The following GOLGA3 variants were observed in gnomAD, a reference collection of about 807,000 sequenced individuals.
The protein encoded by GOLGA3 is golgin A3, also known as golgin subfamily A member 3.
In GOLGA3, 75 loss-of-function variants were observed where a neutral mutation model predicts 169.4. The ratio of observed to expected loss-of-function variants is 0.44; its 90% confidence interval spans 0.37 to 0.54. GOLGA3 has a LOEUF of 0.54. Among genes scored for constraint, GOLGA3 ranks in the 20% least tolerant of loss-of-function variants. The pLI, the probability that GOLGA3 is intolerant of heterozygous loss-of-function variation, is 0.00. For missense variants in GOLGA3, 1,899 were observed against 1,930.0 expected, an observed-to-expected ratio of 0.98 and a Z score of 0.30; for synonymous variants, 824 against 822.4, an observed-to-expected ratio of 1.00 and a Z score of -0.03.
At chr12:132,825,720 A>C in intron 1 of GOLGA3, 1 of 1,518,542 alleles carries the variant, frequency 6.6e-7, no homozygotes, top group East Asian at 2.3e-5. Context: ...ATTCAGACTG[A>C]GCGTGCCTAC....
rs1478326411 is a variant in GOLGA3, at chr12:132,769,770, A to G, written c.*3335T>C. 6.6e-6 allele frequency: 1 copy of G among 152,226 alleles called. No individual in the cohort carries two copies. The highest frequency in any genetic ancestry group is 1.9e-4 in the East Asian group (1 of 5,204). 9.4% of individuals were successfully genotyped at this position (152,226 alleles called of 1,614,324 possible). A position where few individuals can be genotyped will look rare whatever the true frequency, so the allele number is the denominator to read the frequency against. ...GCACTGGTGACCCTGTTTTGTAAGC[A>G]GTACTCCCAACTTCACTGCCTTTTC... On this transcript the variant is annotated 3_prime_UTR_variant, in exon 24 of 24. Transcript: ENST00000450791.
intron 1 of GOLGA3, among the ~76,000 whole-genome samples, chr12:132,825,510 T>C (rs1158643632): frequency 6.6e-6 from 1 of 152,232 alleles, no homozygotes; most frequent in Non-Finnish European, 1.5e-5. Flanking sequence ...GCTGAGTACA[T>C]TCCTCTGCTA....
intron 16 of GOLGA3, 73 bp downstream of exon 16, chr12:132,784,091 C>CA (rs2045764166): frequency 6.3e-7 from 1 of 1,593,912 alleles, no homozygotes. Flanking sequence ...CTTCGGGTCT[C>CA]ACGCGTGGCG....
intron 2 of GOLGA3, among the ~76,000 whole-genome samples, chr12:132,821,187 A>T (rs1950194346): frequency 6.7e-6 from 1 of 149,840 alleles, no homozygotes; most frequent in Admixed American, 6.7e-5. Flanking sequence ...TGGGCGGATC[A>T]CCTGAGGTTG....
At chr12:132,801,233 G>C (rs957033715) in intron 8 of GOLGA3, among the ~76,000 whole-genome samples, 2 of 152,236 alleles carry the variant, frequency 1.3e-5, no homozygotes, top group Non-Finnish European at 2.9e-5. Context: ...CCAACAGGAC[G>C]TAGAAAATGC....
chr12:132,789,047 C>G lies in GOLGA3; in HGVS notation c.2791G>C (p.Glu931Gln). ...HLQSAQKERD[E>Q]METHLQSLQF... ...CAGACCTGCAAGTGTGTTTCCATCT[C>G]GTCTCGCTCCTTCTGCGCCGACTGG... Residue 931 changes from glutamate to glutamine, a missense_variant, in exon 13 of 24, where the codon GAG becomes CAG. Physicochemically the swap from Glu to Gln is conservative, Grantham distance 29. Transcript: ENST00000450791. The G allele has an allele frequency of 1.9e-6, 3 of 1,578,408 alleles. No homozygotes were observed. Among genetic ancestry groups the G allele is most frequent in the Middle Eastern group, 1.7e-4 (1 of 5,868 alleles).
intron 12 of GOLGA3, among the ~76,000 whole-genome samples, chr12:132,790,934 G>A (rs1418558197): frequency 1.0e-4 from 15 of 146,600 alleles, no homozygotes; most frequent in Non-Finnish European, 1.8e-4. Context: ...GCCTGTAGTC[G>A]CAGCTACTCG....
Position 132,791,243 on chromosome 12 carries a change from T to A in GOLGA3, c.2520A>T (p.Lys840Asn). The change falls in exon 12 of 24, where the codon AAA (lysine) becomes AAT (asparagine). Residue 840 changes from lysine (K) to asparagine (N), a missense_variant. Coordinates refer to ENST00000450791, the MANE Select transcript of GOLGA3 (RefSeq NM_001389683.1). ...TTTGTTGGAGAAACTGTTCCTTTAT[T>A]TTTTGCATTTGCTTTTTCAGAGCAG... ...ETAALKKQMQ[K>N]IKEQFLQQKV... 1 of 1,607,176 alleles carries A rather than the reference T, an allele frequency of 6.2e-7. No individual in the cohort carries two copies. The highest frequency in any genetic ancestry group is 2.2e-5 in the East Asian group (1 of 44,834).
chr12:132,794,293 G>C (rs1011874461), intron 11 of GOLGA3, among the ~76,000 whole-genome samples: 4 of 149,340 alleles, frequency 2.7e-5, no homozygotes, highest in African/African-American at 4.9e-5. Flanking sequence ...CTAAGAGTTT[G>C]AGACCAGCCT....
chr12:132,780,938 GA>G, intron 17 of GOLGA3, 24 bp from the exon 18 acceptor site: 1 of 1,546,314 alleles, frequency 6.5e-7, no homozygotes, highest in Non-Finnish European at 8.9e-7. Flanking sequence ...CAGGAGGACA[GA>G]TAAGGAAGGA....
chr12:132,826,087 C>G, intron 1 of GOLGA3: 1 of 1,459,764 alleles, frequency 6.9e-7, no homozygotes. Context: ...TCACAGTGGG[C>G]GAGTGCCGGC....
At position 132,773,195 on chromosome 12, in the gene GOLGA3, G is replaced by A; in HGVS notation, c.4407C>T (p.Ser1469=). 6.3e-7 allele frequency: 1 copy of A among 1,582,240 alleles called. No individual in the cohort carries two copies. Among genetic ancestry groups the A allele is most frequent in the Non-Finnish European group, 8.6e-7 (1 of 1,162,864 alleles). The part of the protein sequence containing the change: ...SWTPLEPATA[S]PVPPGGHAGP... ...CGGCGTGACCCCCCGGGGGCACAGG[G>A]CTGGCAGTGGCTGGCTCCAGCGGCG... The change falls in exon 24 of 24, where the codon AGC becomes AGT. Residue 1469 remains serine, a synonymous_variant. Transcript: ENST00000450791.
At chr12:132,812,952 T>C (rs1192269589) in intron 4 of GOLGA3, among the ~76,000 whole-genome samples, 2 of 152,240 alleles carry the variant, frequency 1.3e-5, no homozygotes, top group African/African-American at 4.8e-5. Flanking sequence ...TTCAAATTAA[T>C]GTGGGTACAT....
At chr12:132,798,102 G>A (rs1011481641) in intron 9 of GOLGA3, among the ~76,000 whole-genome samples, 1 of 145,878 alleles carries the variant, frequency 6.9e-6, no homozygotes, top group African/African-American at 2.5e-5. Context: ...GATGAGGGGT[G>A]GGGGGGGTCC....
intron 22 of GOLGA3, 39 bp downstream of exon 22, chr12:132,775,102 G>T: frequency 6.3e-7 from 1 of 1,583,662 alleles, no homozygotes; most frequent in Non-Finnish European, 8.6e-7. Flanking sequence ...CATCTACAGC[G>T]CACGTCGGCT....
At chr12:132,802,692 A>T (rs559584387) in intron 7 of GOLGA3, among the ~76,000 whole-genome samples, 1 of 152,348 alleles carries the variant, frequency 6.6e-6, no homozygotes, top group African/African-American at 2.4e-5. Context: ...TGAAAAAAAT[A>T]AACCAAAAGA....
At chr12:132,820,058 T>C (rs1173421623) in intron 2 of GOLGA3, among the ~76,000 whole-genome samples, 2 of 151,988 alleles carry the variant, frequency 1.3e-5, no homozygotes, top group African/African-American at 4.8e-5. Context: ...ATGCCTGTAA[T>C]CCCAGCTACT....
chr12:132,801,215 A>G (rs967251482), intron 8 of GOLGA3, among the ~76,000 whole-genome samples: 3 of 152,248 alleles, frequency 2.0e-5, no homozygotes, highest in African/African-American at 7.2e-5. Flanking sequence ...GGGAGAGGAA[A>G]GAGTTTTCCA....
Position 132,786,435 on chromosome 12 carries a change from G to A in GOLGA3, c.3027C>T (p.Arg1009=). Residue 1009 remains arginine (R), a synonymous_variant, in exon 15 of 24, where the codon CGC becomes CGT. Coordinates refer to ENST00000450791, the MANE Select transcript of GOLGA3 (RefSeq NM_001389683.1). ...YENAVGILSR[R]LQEALAAKEA... is the part of the protein sequence containing the mutation. ...CCTTGGCCGCGAGGGCCTCCTGCAG[G>A]CGGCGGCTGAGGATGCCCACGGCGT... 2 of 1,613,526 alleles carry A rather than the reference G, an allele frequency of 1.2e-6. No homozygotes were observed. Among genetic ancestry groups the A allele is most frequent in the Non-Finnish European group, 1.7e-6 (2 of 1,179,822 alleles).
Sources: gnomAD v4.1 joint callset for allele counts (sites outside exome capture counted in the v4.1 genomes callset) on GRCh38, gnomAD v4.1.1 for gene constraint, MANE v1.5 for transcripts, NCBI Gene and HGNC (gene_info 2026-07-23, HGNC 2026-07-21) for gene names.